KCNQ5: variants seen among roughly 807,000 people sequenced by gnomAD.
The protein encoded by KCNQ5 is potassium voltage-gated channel subfamily Q member 5.
Under a neutral mutation model 98.2 loss-of-function variants are expected in KCNQ5, and 30 were observed. The observed-to-expected ratio is 0.31, with a 90% CI of 0.23 to 0.41. The LOEUF (loss-of-function observed/expected upper bound fraction) is 0.41, where lower values mean the gene tolerates loss of function less well. Ranked by LOEUF, KCNQ5 falls within the 10% of genes least tolerant of loss-of-function variation. KCNQ5 has a pLI of 1.00. For synonymous variants in KCNQ5, 458 were observed against 449.4 expected (o/e 1.02, Z -0.24); for missense variants, 835 against 1,182.5 (o/e 0.71, Z 4.31).
At chr6:73,176,142 T>C (rs1359888347) in intron 11 of KCNQ5, among the ~76,000 whole-genome samples, 1 of 152,232 alleles carries the variant, frequency 6.6e-6, no homozygotes, top group Non-Finnish European at 1.5e-5. Context: ...GTGCATGATA[T>C]GGTTTGGATC....
intron 2 of KCNQ5, among the ~76,000 whole-genome samples, chr6:73,006,396 A>T (rs577490236): frequency 7.7e-5 from 11 of 142,342 alleles, no homozygotes; most frequent in African/African-American, 3.1e-4. Context: ...TCATGCATGT[A>T]ATCCCAGCAC....
chr6:72,774,272 A>G (rs948736250), intron 1 of KCNQ5, among the ~76,000 whole-genome samples: 1 of 152,186 alleles, frequency 6.6e-6, no homozygotes. Context: ...ATGGTAGCAC[A>G]AAATAAGTCA....
chr6:73,108,651 C>G (rs1254129594), intron 6 of KCNQ5, among the ~76,000 whole-genome samples: 1 of 152,036 alleles, frequency 6.6e-6, no homozygotes, highest in African/African-American at 2.4e-5. Flanking sequence ...ATGGTGAAAC[C>G]ATATATCTAC....
chr6:72,880,382 C>T (rs991550785), intron 1 of KCNQ5, among the ~76,000 whole-genome samples: 1 of 152,066 alleles, frequency 6.6e-6, no homozygotes. Context: ...CTCCTTATGC[C>T]TGTTTTATAA....
intron 1 of KCNQ5, among the ~76,000 whole-genome samples, chr6:72,816,441 A>C (rs1441748396): frequency 6.6e-6 from 1 of 152,198 alleles, no homozygotes; most frequent in African/African-American, 2.4e-5. Context: ...CAGAATAGTA[A>C]AATTAAAGTA....
chr6:73,083,712 G>T (rs936393613), intron 5 of KCNQ5, among the ~76,000 whole-genome samples: 1 of 152,118 alleles, frequency 6.6e-6, no homozygotes, highest in Non-Finnish European at 1.5e-5. Context: ...CATCATAAAA[G>T]TTTCAATTAA....
chr6:72,807,000 A>G (rs535692312), intron 1 of KCNQ5: 22 of 240,056 alleles, frequency 9.2e-5, no homozygotes, highest in South Asian at 9.1e-4. Flanking sequence ...TGCATTTCTC[A>G]TGGACATTTG....
intron 1 of KCNQ5, among the ~76,000 whole-genome samples, chr6:72,774,844 A>G (rs1174981351): frequency 1.3e-5 from 2 of 152,202 alleles, no homozygotes; most frequent in African/African-American, 4.8e-5. Flanking sequence ...TCAAGGATGC[A>G]GAACAAATGG....
chr6:72,715,265 C>A (rs1477504276), intron 1 of KCNQ5, among the ~76,000 whole-genome samples: 1 of 152,136 alleles, frequency 6.6e-6, no homozygotes, highest in Non-Finnish European at 1.5e-5. Context: ...CTGGTGAGAT[C>A]ACTGAAGAAC....
chr6:73,137,697 A>G (rs1776526977), intron 10 of KCNQ5, among the ~76,000 whole-genome samples: 1 of 152,120 alleles, frequency 6.6e-6, no homozygotes, highest in African/African-American at 2.4e-5. Context: ...TATTATCCCC[A>G]TTTTATGGAT....
chr6:72,921,889 A>C (rs558840342), intron 1 of KCNQ5, among the ~76,000 whole-genome samples: 1 of 152,322 alleles, frequency 6.6e-6, no homozygotes, highest in Admixed American at 6.5e-5. Flanking sequence ...TATGATCTGA[A>C]TATATTAACT....
chr6:72,722,042 A>G (rs1013936145), intron 1 of KCNQ5, among the ~76,000 whole-genome samples: 1 of 152,210 alleles, frequency 6.6e-6, no homozygotes, highest in African/African-American at 2.4e-5. Flanking sequence ...AAGGAGAATC[A>G]GAGTTAATAC....
At chr6:73,038,221 A>C (rs1771527556) in intron 2 of KCNQ5, among the ~76,000 whole-genome samples, 1 of 152,092 alleles carries the variant, frequency 6.6e-6, no homozygotes, top group Admixed American at 6.6e-5. Context: ...TATATTGATC[A>C]TACATCGTGC....
Position 73,124,043 on chromosome 6 carries a change from A to G in KCNQ5, c.1221-443A>G, listed in dbSNP as rs572038023. Among the ~76,000 whole-genome samples, 9 of 152,304 alleles carry G rather than the reference A, an allele frequency of 5.9e-5. No homozygotes were observed. The South Asian group carries it at 1.9e-3, about 32-fold the overall frequency. ...GAAATTTAGATTTTATACGATACAA[A>G]AAAAAATCTGCCTCAGCAAGTGACT... On this transcript the variant is annotated intron_variant, in intron 8 of 13. Coordinates refer to ENST00000370398, the MANE Select transcript of KCNQ5 (RefSeq NM_019842.4).
intron 3 of KCNQ5, among the ~76,000 whole-genome samples, chr6:73,050,418 A>G (rs1047173714): frequency 6.6e-6 from 1 of 152,332 alleles, no homozygotes; most frequent in Middle Eastern, 3.4e-3. Context: ...TTATTTTGGA[A>G]TAACTTTAGA....
chr6:72,925,756 A>G (rs1269898309), intron 1 of KCNQ5, among the ~76,000 whole-genome samples: 1 of 152,210 alleles, frequency 6.6e-6, no homozygotes, highest in Non-Finnish European at 1.5e-5. Context: ...GGTAGAAAGA[A>G]CAACTTGTGT....
At chr6:72,997,478 T>C (rs1769359215) in intron 1 of KCNQ5, among the ~76,000 whole-genome samples, 1 of 152,032 alleles carries the variant, frequency 6.6e-6, no homozygotes, top group African/African-American at 2.4e-5. Flanking sequence ...GATGACGATA[T>C]TTTTAAAACT....
At chr6:72,902,352 G>A (rs759805710) in intron 1 of KCNQ5, among the ~76,000 whole-genome samples, 6 of 152,084 alleles carry the variant, frequency 3.9e-5, no homozygotes, top group South Asian at 2.1e-4. Flanking sequence ...TTGTCTGATC[G>A]CTCTGGCTAG....
intron 1 of KCNQ5, among the ~76,000 whole-genome samples, chr6:72,703,611 G>A (rs552021055): frequency 6.6e-6 from 1 of 152,270 alleles, no homozygotes; most frequent in South Asian, 2.1e-4. Context: ...CTGTAAACAA[G>A]CATTTGCAAA....
Sources: allele counts gnomAD v4.1 joint callset (sites outside exome capture counted in the v4.1 genomes callset), GRCh38; gene constraint gnomAD v4.1.1; transcripts MANE v1.5; gene names NCBI Gene and HGNC (gene_info 2026-07-23, HGNC 2026-07-21).